CSRNP3: variants seen among roughly 807,000 people sequenced by gnomAD.
The protein encoded by CSRNP3 is cysteine/serine-rich nuclear protein 3.
CSRNP3 carries 12 observed loss-of-function variants against 48.0 expected under a neutral mutation model. That is an observed-to-expected ratio of 0.25 (90% CI 0.16 to 0.41). The LOEUF is 0.41. CSRNP3 is among the 10% of genes least tolerant of loss of function. The pLI is 1.00. For synonymous variants in CSRNP3, 263 were observed against 269.7 expected, an observed-to-expected ratio of 0.98 and a Z score of 0.24; for missense variants, 580 against 724.4, an observed-to-expected ratio of 0.80 and a Z score of 2.29.
chr2:165,599,339 A>AG (rs1227544887), intron 4 of CSRNP3, among the ~76,000 whole-genome samples: 1 of 125,584 alleles, frequency 8.0e-6, no homozygotes. Context: ...GGAAAAGAAA[A>AG]AAAGAAAGAC....
intron 5 of CSRNP3, among the ~76,000 whole-genome samples, chr2:165,662,458 G>C (rs998928059): frequency 1.3e-5 from 2 of 152,168 alleles, no homozygotes; most frequent in African/African-American, 4.8e-5. Flanking sequence ...CTAAATTACA[G>C]AGCACAGTTC....
At chr2:165,628,454 T>G (rs1265062407) in intron 4 of CSRNP3, among the ~76,000 whole-genome samples, 1 of 152,196 alleles carries the variant, frequency 6.6e-6, no homozygotes. Flanking sequence ...CTGGGCACAG[T>G]GGTTCACACC....
intron 3 of CSRNP3, among the ~76,000 whole-genome samples, chr2:165,582,776 C>CT (rs936560595): frequency 1.2e-4 from 18 of 152,268 alleles, no homozygotes; most frequent in African/African-American, 3.8e-4. Flanking sequence ...GCTATGTGCA[C>CT]TTTTTTCTGG....
At chr2:165,579,704 A>C (rs1479379742) in intron 3 of CSRNP3, among the ~76,000 whole-genome samples, 1 of 152,204 alleles carries the variant, frequency 6.6e-6, no homozygotes, top group African/African-American at 2.4e-5. Flanking sequence ...ACTTTGTTAC[A>C]AATTAATTGC....
In CSRNP3 at chr2:165,503,403, TA is replaced by T. The variant is rs377471470; in HGVS notation, c.-113+8476del. Reference sequence around the variant, plus strand: ...TGATCATTGTTTGTGGTTTTCTTTTTATTACATGCTCTGGTTATTTTAAAAC... The same window carrying T: ...TGATCATTGTTTGTGGTTTTCTTTTTTTACATGCTCTGGTTATTTTAAAAC... On this transcript the variant is annotated intron_variant, in intron 2 of 6. Transcript: ENST00000651982. 1.4e-3 allele frequency among the ~76,000 whole-genome samples: 217 copies of T among 152,092 alleles called. 2 individuals are homozygous for T. Among genetic ancestry groups the T allele is most frequent in the African/African-American group, 5.0e-3 (209 of 41,574 alleles).
chr2:165,579,562 A>G (rs1002775504), intron 3 of CSRNP3, among the ~76,000 whole-genome samples: 2 of 152,166 alleles, frequency 1.3e-5, no homozygotes, highest in African/African-American at 4.8e-5. Context: ...AAGTTCTTCA[A>G]TTACAAGGGG....
Position 165,679,440 on chromosome 2 carries a change from G to T in CSRNP3, c.1445G>T (p.Arg482Leu). ...CCGGAGCAATTCGTTGACTATGCCC[G>T]ACAAGCAGAAGAGGCCTATGGTGCC... ...MTPEQFVDYA[R>L]QAEEAYGASH... Residue 482 changes from arginine to leucine, a missense_variant, in exon 7 of 7, where the codon CGA becomes CTA. This residue lies in a region of CSRNP3 where 369 missense variants were observed against 380.8 expected (regional missense o/e 0.97). Transcript: ENST00000651982. 6.2e-7 allele frequency: 1 copy of T among 1,612,826 alleles called. No individual in the cohort carries two copies.
chr2:165,664,200 A>G (rs1204000312), intron 5 of CSRNP3, among the ~76,000 whole-genome samples: 3 of 152,200 alleles, frequency 2.0e-5, no homozygotes, highest in Non-Finnish European at 4.4e-5. Context: ...GATGTGACTC[A>G]ATATCCAAAT....
At chr2:165,521,206 A>G (rs1684657751) in intron 3 of CSRNP3, among the ~76,000 whole-genome samples, 1 of 151,646 alleles carries the variant, frequency 6.6e-6, no homozygotes, top group Non-Finnish European at 1.5e-5. Flanking sequence ...TTAGAGATGC[A>G]GAGGGCTGGT....
In CSRNP3 at chr2:165,477,767, A is replaced by G. The variant is rs369107486; in HGVS notation, c.-283+8027A>G. On this transcript the variant is annotated intron_variant, in intron 1 of 6. Coordinates refer to ENST00000651982, the MANE Select transcript of CSRNP3 (RefSeq NM_001172173.2). ...CAAGGCAGGTGGATCACTTGAGGCC[A>G]AGAATTTGACACTAGCCTGGCCAAT... Among the ~76,000 whole-genome samples the G allele has an allele frequency of 5.9e-4, 89 of 152,012 alleles. No individual in the cohort carries two copies. The East Asian group carries it at 7.0e-3, about 12-fold the overall frequency.
At chr2:165,490,094 G>A (rs1300284490) in intron 1 of CSRNP3, among the ~76,000 whole-genome samples, 8 of 150,778 alleles carry the variant, frequency 5.3e-5, no homozygotes, top group Admixed American at 5.3e-4. Context: ...AGCAACTTCA[G>A]CAAAGTCTCA....
At chr2:165,643,748 C>T (rs974916570) in intron 4 of CSRNP3, among the ~76,000 whole-genome samples, 6 of 152,194 alleles carry the variant, frequency 3.9e-5, no homozygotes, top group African/African-American at 1.4e-4. Flanking sequence ...TGCTCCTTCT[C>T]TCACGATCCA....
intron 1 of CSRNP3, among the ~76,000 whole-genome samples, chr2:165,489,089 A>G (rs1178939175): frequency 6.7e-6 from 1 of 149,014 alleles, no homozygotes; most frequent in African/African-American, 2.5e-5. Context: ...AATCAAATAG[A>G]CACAATAAAA....
At chr2:165,663,889 A>G (rs1687136160) in intron 5 of CSRNP3, among the ~76,000 whole-genome samples, 1 of 152,142 alleles carries the variant, frequency 6.6e-6, no homozygotes, top group East Asian at 1.9e-4. Flanking sequence ...CTAGCATTCT[A>G]CTAGATCCGT....
At chr2:165,601,018 A>G (rs781545160) in intron 4 of CSRNP3, among the ~76,000 whole-genome samples, 35 of 152,252 alleles carry the variant, frequency 2.3e-4, no homozygotes, top group Non-Finnish European at 4.4e-4. Flanking sequence ...AAGCTTCAAA[A>G]TATAAATCAA....
In CSRNP3 at chr2:165,676,504, G is replaced by A. The variant is rs1687427969; in HGVS notation, c.601G>A (p.Glu201Lys). 1.9e-6 allele frequency: 3 copies of A among 1,614,134 alleles called. No individual in the cohort carries two copies. Among genetic ancestry groups the A allele is most frequent in the East Asian group, 2.2e-5 (1 of 44,864 alleles). The part of the protein sequence containing the change: ...VKKIDVEEKH[E>K]LRAIRLSRED... The stretch of plus-strand genomic sequence containing the variant: ...AAAGATTGACGTGGAAGAAAAGCAC[G>A]AACTCCGAGCCATCCGCCTCTCACG... Residue 201 changes from glutamate to lysine, a missense_variant, in exon 6 of 7, where the codon GAA (glutamate) becomes AAA (lysine). Physicochemically the swap from Glu to Lys is moderately conservative, Grantham distance 56 (BLOSUM62 1). Transcript: ENST00000651982.
intron 5 of CSRNP3, among the ~76,000 whole-genome samples, chr2:165,669,668 G>T (rs936414712): frequency 7.9e-5 from 12 of 152,170 alleles, no homozygotes; most frequent in African/African-American, 2.9e-4. Context: ...GCAAAATTAA[G>T]ATGTTTGGTT....
chr2:165,666,410 AAGAG>A (rs768042164), intron 5 of CSRNP3, among the ~76,000 whole-genome samples: 1 of 75,644 alleles, frequency 1.3e-5, no homozygotes, highest in African/African-American at 4.1e-5. Flanking sequence ...GAAGGGAGGA[AAGAG>A]AGAGAGGAAG....
At chr2:165,637,513 G>T (rs1297827046) in intron 4 of CSRNP3, among the ~76,000 whole-genome samples, 1 of 152,208 alleles carries the variant, frequency 6.6e-6, no homozygotes, top group Non-Finnish European at 1.5e-5. Context: ...GGATCGGAAA[G>T]GAGCGCCACA....
Sources: allele counts gnomAD v4.1 joint callset (sites outside exome capture counted in the v4.1 genomes callset), GRCh38; gene constraint gnomAD v4.1.1; regional missense constraint gnomAD v4.1.1; transcripts MANE v1.5; gene names NCBI Gene and HGNC (gene_info 2026-07-23, HGNC 2026-07-21).